HTR7: variants seen among roughly 807,000 people sequenced by gnomAD.
HTR7 encodes the protein 5-hydroxytryptamine receptor 7, also known as 5-HT-7.
HTR7 carries 16 observed loss-of-function variants against 34.0 expected under a neutral mutation model. That is an observed-to-expected ratio of 0.47 (90% CI 0.32 to 0.71). HTR7 has a LOEUF of 0.71. HTR7 is among the 30% of genes least tolerant of loss of function. HTR7 has a pLI of 0.04. For missense variants in HTR7, 504 were observed against 625.5 expected (o/e 0.81, Z 2.07); for synonymous variants, 265 against 260.2 (o/e 1.02, Z -0.18).
rs182376335 is a variant in HTR7 at position 90,790,942 on chromosome 10, G to C, written c.540-41348C>G. ...TAAACAACAATTTCACAGGAAGTTT[G>C]TTAAATCAGCCTCATTGCTCTTTTG... On this transcript the variant is annotated intron_variant, in intron 1 of 3. Coordinates refer to ENST00000336152, the MANE Select transcript of HTR7 (RefSeq NM_019859.4). 2.6e-4 allele frequency among the ~76,000 whole-genome samples: 39 copies of C among 152,240 alleles called. No individual in the cohort carries two copies. The East Asian group carries it at 7.0e-3, about 27-fold the overall frequency.
At chr10:90,833,423 G>A (rs6583736) in intron 1 of HTR7, among the ~76,000 whole-genome samples, 96,759 of 152,156 alleles carry the variant, frequency 0.64, 32,521 homozygotes, top group African/African-American at 0.88. Flanking sequence ...TTCTGACTCT[G>A]GGTAACCTGA....
intron 1 of HTR7, among the ~76,000 whole-genome samples, chr10:90,804,173 G>C (rs1845668761): frequency 6.6e-6 from 1 of 152,080 alleles, no homozygotes; most frequent in South Asian, 2.1e-4. Context: ...TGGGCTTCAG[G>C]GAAAGATCAC....
intron 1 of HTR7, among the ~76,000 whole-genome samples, chr10:90,812,865 T>A (rs61857732): frequency 2.6e-5 from 4 of 152,142 alleles, no homozygotes; most frequent in Non-Finnish European, 4.4e-5. Context: ...TTGCACATAT[T>A]CGCCCAGATG....
intron 1 of HTR7, among the ~76,000 whole-genome samples, chr10:90,763,436 C>T (rs1564673779): frequency 6.6e-6 from 1 of 151,992 alleles, no homozygotes; most frequent in Admixed American, 6.6e-5. Context: ...TTATAAGATG[C>T]ATAGATAAAA....
Position 90,749,217 on chromosome 10 carries a change from G to A in HTR7, c.917C>T (p.Ser306Leu), listed in dbSNP as rs1844691303. The A allele has an allele frequency of 6.2e-6, 10 of 1,613,954 alleles. No individual in the cohort carries two copies. In the East Asian group the frequency reaches 6.7e-5, roughly 11 times the overall value. ...TTTCCTTTCATGCTTGAGGAGTCTC[G>A]AAAGGTTTGCACACTCTTCCACCTC... The part of the protein sequence containing the change: ...QKEVEECANL[S>L]RLLKHERKNI... The change falls in exon 2 of 4, where the codon TCG (serine) becomes TTG (leucine). Residue 306 changes from serine (S) to leucine (L), a missense_variant. Around this residue, in one of 4 missense-constraint regions of HTR7, gnomAD observed 57 missense variants for 47.5 expected, o/e 1.20. Transcript: ENST00000336152. This position sits in a 1 kb window ranked among gnomAD's most constrained non-coding sequence, Gnocchi z 4.2.
At chr10:90,792,385 G>GT (rs1282341188) in intron 1 of HTR7, among the ~76,000 whole-genome samples, 5 of 151,106 alleles carry the variant, frequency 3.3e-5, no homozygotes, top group Admixed American at 6.6e-5. Flanking sequence ...TTTTGGTTTG[G>GT]TTTTTTTTGG....
At chr10:90,759,225 G>A (rs1050184974) in intron 1 of HTR7, among the ~76,000 whole-genome samples, 3 of 151,294 alleles carry the variant, frequency 2.0e-5, no homozygotes, top group Admixed American at 6.6e-5. Flanking sequence ...CATTATGCCT[G>A]TTATCTAAGA....
chr10:90,845,969 G>C (rs1846408510), intron 1 of HTR7, among the ~76,000 whole-genome samples: 1 of 152,070 alleles, frequency 6.6e-6, no homozygotes, highest in Non-Finnish European at 1.5e-5. Context: ...TCTTTTGCCT[G>C]TTCTCAAAAT....
chr10:90,769,653 G>C (rs992978947), intron 1 of HTR7, among the ~76,000 whole-genome samples: 3 of 152,014 alleles, frequency 2.0e-5, no homozygotes, highest in African/African-American at 7.2e-5. Flanking sequence ...AACCAAATAT[G>C]CACTTTAAAA....
intron 1 of HTR7, among the ~76,000 whole-genome samples, chr10:90,853,754 G>A (rs1214610082): frequency 6.6e-6 from 1 of 152,132 alleles, no homozygotes; most frequent in Non-Finnish European, 1.5e-5. Flanking sequence ...TAAGATCTGT[G>A]CATGCCATTA....
intron 1 of HTR7, among the ~76,000 whole-genome samples, chr10:90,757,992 G>C (rs532498571): frequency 6.6e-6 from 1 of 152,114 alleles, no homozygotes; most frequent in Admixed American, 6.6e-5. Context: ...AATAAATTGA[G>C]GCCAGAACAT....
intron 1 of HTR7, among the ~76,000 whole-genome samples, chr10:90,791,672 G>T (rs1176685877): frequency 1.3e-5 from 2 of 152,026 alleles, no homozygotes; most frequent in Non-Finnish European, 2.9e-5. Flanking sequence ...GCCCAGAGAA[G>T]AATTTTTAAG....
intron 1 of HTR7, among the ~76,000 whole-genome samples, chr10:90,840,733 C>T (rs1257020205): frequency 3.9e-5 from 6 of 152,196 alleles, no homozygotes; most frequent in Non-Finnish European, 8.8e-5. Context: ...GTTAGCCAGG[C>T]ATGCAACAAA....
chr10:90,842,863 C>T (rs774650466), intron 1 of HTR7, among the ~76,000 whole-genome samples: 7 of 152,142 alleles, frequency 4.6e-5, no homozygotes, highest in Middle Eastern at 3.2e-3. Flanking sequence ...TTGCTAATGT[C>T]GGTGTTCTGC....
At chr10:90,775,632 A>G (rs1178934220) in intron 1 of HTR7, among the ~76,000 whole-genome samples, 1 of 152,216 alleles carries the variant, frequency 6.6e-6, no homozygotes, top group African/African-American at 2.4e-5. Flanking sequence ...TGGAGGGTTG[A>G]GCAGGGGAAG....
chr10:90,834,624 C>T (rs533000313), intron 1 of HTR7, among the ~76,000 whole-genome samples: 1 of 152,270 alleles, frequency 6.6e-6, no homozygotes, highest in South Asian at 2.1e-4. Context: ...CATTCATTCA[C>T]TTGACTGGCG....
At chr10:90,803,729 C>T (rs1460044110) in intron 1 of HTR7, among the ~76,000 whole-genome samples, 1 of 152,128 alleles carries the variant, frequency 6.6e-6, no homozygotes, top group African/African-American at 2.4e-5. Flanking sequence ...TGACTACCTA[C>T]CTACTGTAAC....
intron 1 of HTR7, among the ~76,000 whole-genome samples, chr10:90,759,421 C>T (rs58132737): frequency 0.23 from 34,708 of 149,792 alleles, 4,250 homozygotes; most frequent in African/African-American, 0.32. Context: ...TTTGGGAGGC[C>T]GAGGCAGGTG....
At position 90,749,322 on chromosome 10, in the gene HTR7, G is replaced by A; in HGVS notation, c.812C>T (p.Ala271Val). Residue 271 changes from alanine to valine, a missense_variant, in exon 2 of 4, where the codon GCC becomes GTC. By Grantham distance (64) the Ala-to-Val change is moderately conservative. Transcript: ENST00000336152. This position sits in a 1 kb window ranked among gnomAD's most constrained non-coding sequence, Gnocchi z 4.2. The part of the protein sequence containing the change: ...QIYKAARKSA[A>V]KHKFPGFPRV... Reference sequence around the variant, plus strand: ...AGGGAAGCCAGGAAACTTGTGTTTGGCAGCACTCTTCCTGGCAGCCTTGTA... The same window carrying A: ...AGGGAAGCCAGGAAACTTGTGTTTGACAGCACTCTTCCTGGCAGCCTTGTA... The A allele has an allele frequency of 1.2e-6, 2 of 1,614,174 alleles. No homozygotes were observed. The highest frequency in any genetic ancestry group is 1.7e-6 in the Non-Finnish European group (2 of 1,180,034).
Sources: allele counts gnomAD v4.1 joint callset (sites outside exome capture counted in the v4.1 genomes callset), GRCh38; gene constraint gnomAD v4.1.1; regional missense constraint gnomAD v4.1.1; non-coding constraint Gnocchi (gnomAD v3.1); transcripts MANE v1.5; gene names NCBI Gene and HGNC (gene_info 2026-07-23, HGNC 2026-07-21).